The following LMLN variants were observed in gnomAD, a reference collection of about 807,000 sequenced individuals.
LMLN encodes the protein leishmanolysin-like peptidase.
In LMLN, 70 loss-of-function variants were observed where a neutral mutation model predicts 92.3. The observed-to-expected ratio is 0.76, with a 90% confidence interval of 0.63 to 0.92. LMLN has a LOEUF of 0.92. Ranked by LOEUF, LMLN falls within the 40% of genes least tolerant of loss-of-function variation. The pLI, the probability that LMLN is intolerant of heterozygous loss-of-function variation, is 0.00. For synonymous variants in LMLN, 308 were observed against 296.2 expected, an observed-to-expected ratio of 1.04 and a Z score of -0.41; for missense variants, 691 against 814.6, an observed-to-expected ratio of 0.85 and a Z score of 1.85.
intron 1 of LMLN, among the ~76,000 whole-genome samples, chr3:197,968,981 T>C (rs913679087): frequency 8.5e-5 from 13 of 152,244 alleles, no homozygotes; most frequent in African/African-American, 2.9e-4. Context: ...TTTATGGACA[T>C]GAAGTTTTTC....
intron 5 of LMLN, among the ~76,000 whole-genome samples, chr3:197,977,286 C>T (rs570666597): frequency 4.6e-5 from 7 of 152,026 alleles, no homozygotes; most frequent in African/African-American, 1.2e-4. Flanking sequence ...AAAAATGTTG[C>T]GAATCAGTAT....
chr3:197,976,542 T>C (rs1163083259), intron 4 of LMLN, 56 bp from the exon 5 acceptor site: 3 of 974,268 alleles, frequency 3.1e-6, no homozygotes, highest in African/African-American at 3.3e-5. Flanking sequence ...TGTTTTTAAC[T>C]GCTATAAAAT....
At chr3:198,006,199 T>C (rs375095181) in intron 11 of LMLN, among the ~76,000 whole-genome samples, 5 of 152,202 alleles carry the variant, frequency 3.3e-5, no homozygotes, top group South Asian at 4.1e-4. Flanking sequence ...GTGGCTTTTT[T>C]TACTCAGCAT....
In LMLN at chr3:198,020,768, A is replaced by ATTGT. The variant is rs1722756549; in HGVS notation, c.1366-676_1366-675insGTTT. On this transcript the variant is annotated intron_variant, in intron 12 of 15. Transcript: ENST00000330198. ...GCCACCACACCCAGCTAATTTTTGTATTTTTTTTTTTTTTTTTTTTTTTTT... is the reference window on the plus strand; with the variant it reads ...GCCACCACACCCAGCTAATTTTTGTATTGTTTTTTTTTTTTTTTTTTTTTTTTTT... Among the ~76,000 whole-genome samples the ATTGT allele has an allele frequency of 7.4e-3, 244 of 32,864 alleles. 26 individuals carry two copies. The highest frequency in any genetic ancestry group is 0.019 in the African/African-American group (157 of 8,330). The allele number at this position is 32,864 out of a possible 152,430, so 21.6% of individuals were successfully genotyped here. A position where few individuals can be genotyped will look rare whatever the true frequency, so the allele number is the denominator to read the frequency against.
intron 11 of LMLN, among the ~76,000 whole-genome samples, chr3:198,014,290 C>T (rs1722550816): frequency 7.2e-6 from 1 of 139,164 alleles, no homozygotes; most frequent in African/African-American, 2.8e-5. Flanking sequence ...CTTCAGAGTC[C>T]CCTAACTAGT....
chr3:197,990,237 AT>A (rs946841774), intron 8 of LMLN, among the ~76,000 whole-genome samples: 2 of 151,782 alleles, frequency 1.3e-5, no homozygotes, highest in African/African-American at 2.4e-5. Context: ...TAATTTTTAA[AT>A]TTTTTGTGGA....
intron 14 of LMLN, among the ~76,000 whole-genome samples, chr3:198,034,665 A>G (rs1723164034): frequency 6.6e-6 from 1 of 152,192 alleles, no homozygotes; most frequent in Admixed American, 6.5e-5. Context: ...ATGTTTTAAA[A>G]GTTAGCATTA....
intron 14 of LMLN, among the ~76,000 whole-genome samples, chr3:198,028,860 G>A (rs2109948817): frequency 6.6e-6 from 1 of 152,276 alleles, no homozygotes; most frequent in African/African-American, 2.4e-5. Flanking sequence ...TTATATTTTT[G>A]TTTCATTTTT....
chr3:197,974,908 G>A (rs1721325315), intron 2 of LMLN, 134 bp from the exon 3 acceptor site: 2 of 668,500 alleles, frequency 3.0e-6, no homozygotes, highest in South Asian at 1.7e-5. Context: ...AAAAGTAAAG[G>A]AATAAAAGAA....
chr3:197,998,897 CT>C (rs1722098159), intron 10 of LMLN, among the ~76,000 whole-genome samples: 1 of 152,228 alleles, frequency 6.6e-6, no homozygotes. Flanking sequence ...GACAGCTATT[CT>C]CCCTGACCCC....
intron 11 of LMLN, among the ~76,000 whole-genome samples, chr3:198,002,011 C>T (rs1241421033): frequency 1.3e-5 from 2 of 152,008 alleles, no homozygotes; most frequent in African/African-American, 4.8e-5. Context: ...ATATAATACA[C>T]ACAGGTAAGA....
intron 10 of LMLN, 102 bp from the exon 11 acceptor site, chr3:197,999,164 C>T (rs1158057410): frequency 3.7e-5 from 30 of 805,982 alleles, no homozygotes; most frequent in Non-Finnish European, 6.0e-5. Context: ...TTGTCAGCCT[C>T]TCACAGTTGA....
At chr3:197,982,295 G>A (rs1480982947) in intron 6 of LMLN, among the ~76,000 whole-genome samples, 17 of 143,152 alleles carry the variant, frequency 1.2e-4, no homozygotes, top group East Asian at 2.0e-4. Context: ...GCATGATCTC[G>A]GCTCACTGCA....
intron 14 of LMLN, among the ~76,000 whole-genome samples, chr3:198,029,911 C>T (rs1018020357): frequency 6.6e-6 from 1 of 151,900 alleles, no homozygotes; most frequent in African/African-American, 2.4e-5. Flanking sequence ...CATGATCCCT[C>T]GGCTCACTGC....
intron 10 of LMLN, among the ~76,000 whole-genome samples, chr3:197,997,016 C>T (rs867712327): frequency 1.7e-4 from 26 of 149,326 alleles, no homozygotes; most frequent in Non-Finnish European, 3.0e-4. Flanking sequence ...TTTTCTTTTC[C>T]TTTCTTTTCT....
chr3:197,976,101 T>A, exon 4 of LMLN: 1 of 1,599,022 alleles, frequency 6.3e-7, no homozygotes. Flanking sequence ...GGGCACTATC[T>A]TACTTAGCAG....
At chr3:197,995,110 C>G (rs1721982736) in intron 9 of LMLN, among the ~76,000 whole-genome samples, 1 of 152,200 alleles carries the variant, frequency 6.6e-6, no homozygotes, top group African/African-American at 2.4e-5. Context: ...TCCTCCTGCT[C>G]AATGTGAAGA....
At chr3:198,033,228 C>T (rs1344663276) in intron 14 of LMLN, among the ~76,000 whole-genome samples, 4 of 152,104 alleles carry the variant, frequency 2.6e-5, no homozygotes, top group Admixed American at 6.6e-5. Context: ...AACATCTGCC[C>T]GGCAGTAGTC....
exon 5 of LMLN, chr3:197,976,656 G>T: frequency 6.3e-7 from 1 of 1,597,220 alleles, no homozygotes; most frequent in South Asian, 1.1e-5. Context: ...GTACTGCACC[G>T]GGGAGTGTGC....
Sources: allele counts gnomAD v4.1 joint callset (sites outside exome capture counted in the v4.1 genomes callset), GRCh38; gene constraint gnomAD v4.1.1; transcripts MANE v1.5; gene names NCBI Gene and HGNC (gene_info 2026-07-23, HGNC 2026-07-21).